TPCN1: variants seen among roughly 807,000 people sequenced by gnomAD.
TPCN1 encodes two pore channel protein 1.
A neutral mutation model predicts 108.8 loss-of-function variants in TPCN1; 52 were observed. That is an observed-to-expected ratio of 0.48 (90% CI 0.38 to 0.60). TPCN1 has a LOEUF of 0.60. Among genes scored for constraint, TPCN1 ranks in the 20% least tolerant of loss-of-function variants. TPCN1 has a pLI of 0.00. For missense variants in TPCN1, 806 were observed against 1,072.8 expected (o/e 0.75, Z 3.47); for synonymous variants, 446 against 433.7 (o/e 1.03, Z -0.35).
In TPCN1 at chr12:113,290,178, A is replaced by G. The variant is rs773363205; in HGVS notation, c.1847A>G (p.Asn616Ser). Residue 616 changes from asparagine (N) to serine (S), a missense_variant, in exon 22 of 28, where the codon AAC (asparagine) becomes AGC (serine). Physicochemically the swap from Asn to Ser is conservative, Grantham distance 46. Transcript: ENST00000335509. ...AYRWRNHTVG[N>S]RTVVEEGYYY... is the part of the protein sequence containing the mutation. Reference sequence around the variant, plus strand: ...CGCTGGCGCAACCACACCGTGGGCAACAGGACCGTGGTGGAGGAAGGCTAC... The same window carrying G: ...CGCTGGCGCAACCACACCGTGGGCAGCAGGACCGTGGTGGAGGAAGGCTAC... The G allele has an allele frequency of 6.2e-7, 1 of 1,608,058 alleles. No individual in the cohort carries two copies. Among genetic ancestry groups the G allele is most frequent in the Admixed American group, 1.7e-5 (1 of 59,376 alleles).
intron 13 of TPCN1, among the ~76,000 whole-genome samples, 200 bp downstream of exon 13, chr12:113,278,437 A>G (rs1447465534): frequency 6.6e-6 from 1 of 152,192 alleles, no homozygotes; most frequent in Non-Finnish European, 1.5e-5. Flanking sequence ...TGTCATCGTT[A>G]ACAGCACCGA....
chr12:113,244,434 C>T (rs554388738), intron 2 of TPCN1: 23 of 985,328 alleles, frequency 2.3e-5, no homozygotes, highest in Non-Finnish European at 2.8e-5. Context: ...GCGGGTCCAC[C>T]TTCCATACCA....
intron 2 of TPCN1, among the ~76,000 whole-genome samples, chr12:113,227,660 T>C (rs1953523648): frequency 6.6e-6 from 1 of 152,174 alleles, no homozygotes; most frequent in South Asian, 2.1e-4. Flanking sequence ...AGGAGAGGCT[T>C]AAAATAACTC....
chr12:113,241,474 G>C (rs1345590144), intron 2 of TPCN1, among the ~76,000 whole-genome samples: 1 of 152,252 alleles, frequency 6.6e-6, no homozygotes, highest in Non-Finnish European at 1.5e-5. Context: ...TCTGTGCTGA[G>C]TGGATGCCAT....
chr12:113,260,304 C>G, intron 2 of TPCN1, 64 bp from the exon 3 acceptor site: 1 of 1,444,290 alleles, frequency 6.9e-7, no homozygotes, highest in East Asian at 2.8e-5. Context: ...TTTCTTCTGC[C>G]AAACGGTGTC....
intron 2 of TPCN1, among the ~76,000 whole-genome samples, chr12:113,234,267 G>A (rs1275836589): frequency 2.0e-5 from 3 of 152,186 alleles, no homozygotes; most frequent in Non-Finnish European, 4.4e-5. Context: ...CCTCTGCATA[G>A]AGACATTTGG....
chr12:113,260,617 T>C, intron 3 of TPCN1, 125 bp downstream of exon 3: 1 of 1,259,010 alleles, frequency 7.9e-7, no homozygotes, highest in East Asian at 3.0e-5. Context: ...TGCTCGTGTG[T>C]GAGCTTCAGG....
intron 2 of TPCN1, among the ~76,000 whole-genome samples, chr12:113,240,532 C>T (rs1034095563): frequency 6.6e-6 from 1 of 152,098 alleles, no homozygotes; most frequent in African/African-American, 2.4e-5. Context: ...GAGTCTCAAC[C>T]CATGAGTAGG....
At chr12:113,294,198 A>C (rs1314716587) in intron 27 of TPCN1, 1 of 152,018 alleles carries the variant, frequency 6.6e-6, no homozygotes, top group Non-Finnish European at 1.5e-5. Flanking sequence ...GATCCTCCCC[A>C]CTCAGCCTAC....
intron 3 of TPCN1, among the ~76,000 whole-genome samples, chr12:113,263,246 G>A (rs367602949): frequency 1.3e-5 from 2 of 151,992 alleles, no homozygotes; most frequent in East Asian, 3.8e-4. Flanking sequence ...AGTCATTCAC[G>A]GCTGTTTCTA....
rs2136567104 is a variant in TPCN1, at chr12:113,258,895, G to T, written c.113-1473G>T. On this transcript the variant is annotated intron_variant, in intron 2 of 27. Transcript: ENST00000335509. ...GCAACCCAGCAGGCCTTTGAGCCCT[G>T]TCAGTCTCCTGTCCCTTGCATGGTT... 1.3e-5 allele frequency among the ~76,000 whole-genome samples: 2 copies of T among 152,184 alleles called. 1 individual carries two copies. The highest frequency in any genetic ancestry group is 4.8e-5 in the African/African-American group (2 of 41,528).
rs1015961563 is a variant in TPCN1 at position 113,232,582 on chromosome 12, C to T, written c.112+5618C>T. Among the ~76,000 whole-genome samples, 2 of 152,250 alleles carry T rather than the reference C, an allele frequency of 1.3e-5. No individual in the cohort carries two copies. Among genetic ancestry groups the T allele is most frequent in the Admixed American group, 6.5e-5 (1 of 15,284 alleles). On this transcript the variant is annotated intron_variant, in intron 2 of 27. Transcript: ENST00000335509. This position sits in a 1 kb window ranked among gnomAD's most constrained non-coding sequence, Gnocchi z 5.6. ...AGTGAAGAAGCCCAAGGGGCTTGCA[C>T]AGCTTTTGTCACTTGTGATACCATG...
intron 2 of TPCN1, among the ~76,000 whole-genome samples, chr12:113,248,350 G>A (rs1382247286): frequency 6.6e-6 from 1 of 152,332 alleles, no homozygotes; most frequent in African/African-American, 2.4e-5. Context: ...CTGGGGCCTG[G>A]GAACACCACA....
chr12:113,296,150 G>T lies in TPCN1; in HGVS notation c.*74G>T, dbSNP rs778524653. 2.4e-5 allele frequency: 37 copies of T among 1,570,358 alleles called. No individual in the cohort carries two copies. Among genetic ancestry groups the T allele is most frequent in the African/African-American group, 5.4e-5 (4 of 74,242 alleles). On this transcript the variant is annotated 3_prime_UTR_variant, in exon 28 of 28. Transcript: ENST00000335509. ...CTCTACTGCGATGTACGGAACTGCG[G>T]TGTGTGTACACATACTCACGTATAT...
intron 2 of TPCN1, among the ~76,000 whole-genome samples, chr12:113,240,244 G>A (rs1231483575): frequency 2.6e-5 from 4 of 152,192 alleles, no homozygotes; most frequent in Admixed American, 6.5e-5. Context: ...GAGACCAGAC[G>A]CCGTCCAGAG....
intron 2 of TPCN1, among the ~76,000 whole-genome samples, chr12:113,246,800 A>G (rs1055399820): frequency 6.6e-6 from 1 of 152,162 alleles, no homozygotes; most frequent in East Asian, 1.9e-4. Context: ...GTCAGAGGCC[A>G]AAGGTGTTGC....
At chr12:113,234,235 T>C (rs143808767) in intron 2 of TPCN1, among the ~76,000 whole-genome samples, 2 of 152,340 alleles carry the variant, frequency 1.3e-5, no homozygotes, top group East Asian at 3.9e-4. Flanking sequence ...TTTTCCCCCA[T>C]GCACGCCTTT....
chr12:113,275,962 A>G (rs1041353356), intron 10 of TPCN1, among the ~76,000 whole-genome samples: 5 of 152,226 alleles, frequency 3.3e-5, no homozygotes, highest in Non-Finnish European at 7.3e-5. Context: ...ATATATTTAG[A>G]GCTGTGAAAA....
intron 2 of TPCN1, among the ~76,000 whole-genome samples, chr12:113,236,313 C>G (rs894516615): frequency 1.4e-4 from 21 of 152,166 alleles, no homozygotes; most frequent in Admixed American, 8.5e-4. Context: ...TCTCCCACCC[C>G]CCGGCACCCC....
Sources: gnomAD v4.1 joint callset for allele counts (sites outside exome capture counted in the v4.1 genomes callset) on GRCh38, gnomAD v4.1.1 for gene constraint, Gnocchi (gnomAD v3.1) non-coding constraint, MANE v1.5 for transcripts, NCBI Gene and HGNC (gene_info 2026-07-23, HGNC 2026-07-21) for gene names.